MIPEP: variants seen among roughly 807,000 people sequenced by gnomAD.
MIPEP encodes mitochondrial intermediate peptidase.
Under a neutral mutation model 90.3 loss-of-function variants are expected in MIPEP, and 79 were observed. The ratio of observed to expected loss-of-function variants is 0.87; its 90% CI spans 0.73 to 1.05. The LOEUF is 1.05. Among genes scored for constraint, MIPEP ranks in the 50% least tolerant of loss-of-function variants. The probability of loss-of-function intolerance (pLI) is 0.00; values close to 1 mark genes in which losing one functional copy is unlikely to be tolerated. For synonymous variants in MIPEP, 334 were observed against 315.8 expected, an observed-to-expected ratio of 1.06 and a Z score of -0.61; for missense variants, 940 against 905.6, an observed-to-expected ratio of 1.04 and a Z score of -0.49.
chr13:23,781,880 G>C (rs1328028556), intron 16 of MIPEP, among the ~76,000 whole-genome samples: 2 of 152,090 alleles, frequency 1.3e-5, no homozygotes, highest in Non-Finnish European at 2.9e-5. Context: ...AATGGTAAAG[G>C]GATCAATTCA....
rs1871271584 is a variant in MIPEP, at chr13:23,881,627, C to T, written c.452+72G>A. ...GGGACAAGCGCTATGGACAAAACTG[C>T]CTACGGCACAAGTCCATGAAACCGG... is the stretch of plus-strand genomic sequence containing the variant. On this transcript the variant is annotated intron_variant, in intron 3 of 18. Transcript: ENST00000382172. 4 of 1,318,230 alleles carry T rather than the reference C, an allele frequency of 3.0e-6. No individual in the cohort carries two copies. The South Asian group carries it at 4.8e-5, about 16-fold the overall frequency. 81.7% of individuals were successfully genotyped at this position (1,318,230 alleles called of 1,614,324 possible).
rs868740355 is a variant in MIPEP, at chr13:23,889,382, G to A, written c.-62C>T. On this transcript the variant is annotated 5_prime_UTR_variant, in exon 1 of 19. Transcript: ENST00000382172. ...CCCTGCCCTGCTGCTTTCGCTGGGA[G>A]CGCGCGCTCCGCGTTTCCAAGGCAG... is the stretch of plus-strand genomic sequence containing the variant. 28 of 1,229,142 alleles carry A rather than the reference G, an allele frequency of 2.3e-5. No individual in the cohort carries two copies. In the African/African-American group the frequency reaches 3.3e-4, roughly 14 times the overall value. The allele number at this position is 1,229,142 out of a possible 1,614,324, so 76.1% of individuals were successfully genotyped here.
chr13:23,888,899 C>A (rs1461788673), intron 1 of MIPEP: 1 of 545,244 alleles, frequency 1.8e-6, no homozygotes, highest in East Asian at 3.5e-5. Flanking sequence ...GGGGCTCATG[C>A]AGAAGCAGTT....
At chr13:23,863,586 A>G (rs1870403969) in intron 8 of MIPEP, among the ~76,000 whole-genome samples, 1 of 152,230 alleles carries the variant, frequency 6.6e-6, no homozygotes, top group Non-Finnish European at 1.5e-5. Context: ...ATGTATATGC[A>G]AATATTCCAA....
At chr13:23,851,342 G>C (rs1224896200) in intron 10 of MIPEP, among the ~76,000 whole-genome samples, 1 of 152,190 alleles carries the variant, frequency 6.6e-6, no homozygotes, top group East Asian at 1.9e-4. Flanking sequence ...GAAACACAAT[G>C]AATCAATGGA....
chr13:23,808,754 T>TA (rs1953140028), intron 15 of MIPEP, among the ~76,000 whole-genome samples: 1 of 152,216 alleles, frequency 6.6e-6, no homozygotes, highest in South Asian at 2.1e-4. Flanking sequence ...TTGATATGAA[T>TA]AGATACTGAG....
At chr13:23,813,351 C>G (rs1953195404) in intron 14 of MIPEP, among the ~76,000 whole-genome samples, 1 of 152,062 alleles carries the variant, frequency 6.6e-6, no homozygotes, top group Non-Finnish European at 1.5e-5. Flanking sequence ...CCTAAGGATA[C>G]CAAGATCTGT....
intron 14 of MIPEP, among the ~76,000 whole-genome samples, chr13:23,824,082 A>C (rs975405995): frequency 2.6e-5 from 4 of 152,340 alleles, no homozygotes; most frequent in South Asian, 2.1e-4. Context: ...CTAGCACAGC[A>C]TTTTGGAATG....
chr13:23,862,802 T>C (rs1870363767), intron 8 of MIPEP, among the ~76,000 whole-genome samples: 1 of 152,332 alleles, frequency 6.6e-6, no homozygotes, highest in East Asian at 1.9e-4. Context: ...AATAATTAAA[T>C]AGGTATTTAA....
At chr13:23,750,231 C>T (rs958197515) in intron 18 of MIPEP, among the ~76,000 whole-genome samples, 2 of 152,096 alleles carry the variant, frequency 1.3e-5, no homozygotes, top group African/African-American at 4.8e-5. Flanking sequence ...ACTCACAAAC[C>T]AGTATTGACA....
chr13:23,832,561 C>CAG (rs1172323117), intron 14 of MIPEP, among the ~76,000 whole-genome samples: 1 of 151,884 alleles, frequency 6.6e-6, no homozygotes, highest in Non-Finnish European at 1.5e-5. Context: ...AGAATGAGGC[C>CAG]ACCTATATAT....
intron 16 of MIPEP, among the ~76,000 whole-genome samples, chr13:23,796,340 C>T (rs1274502159): frequency 2.0e-5 from 3 of 152,000 alleles, no homozygotes; most frequent in Admixed American, 6.6e-5. Flanking sequence ...TTGCTTGAAC[C>T]GGGGAGGCAG....
chr13:23,827,670 T>C (rs7325423), intron 14 of MIPEP, among the ~76,000 whole-genome samples: 54,253 of 152,024 alleles, frequency 0.36, 10,369 homozygotes, highest in African/African-American at 0.5. Flanking sequence ...ATCAAGAATA[T>C]AAAAATATTA....
chr13:23,807,236 CAT>C (rs762815606), intron 15 of MIPEP, among the ~76,000 whole-genome samples: 16 of 152,282 alleles, frequency 1.1e-4, no homozygotes, highest in Middle Eastern at 3.4e-3. Context: ...CTAAAATAAA[CAT>C]AAAGCATTTT....
At chr13:23,737,557 A>C (rs1952279282) in intron 18 of MIPEP, among the ~76,000 whole-genome samples, 1 of 152,186 alleles carries the variant, frequency 6.6e-6, no homozygotes, top group Admixed American at 6.5e-5. Context: ...ATGAGTTCAA[A>C]TATATATGTG....
At chr13:23,752,483 T>C (rs1952452006) in intron 18 of MIPEP, among the ~76,000 whole-genome samples, 1 of 152,212 alleles carries the variant, frequency 6.6e-6, no homozygotes, top group Admixed American at 6.5e-5. Context: ...AACTGAACCT[T>C]AGATCATGCT....
intron 18 of MIPEP, among the ~76,000 whole-genome samples, chr13:23,742,267 T>C (rs941441121): frequency 6.6e-6 from 1 of 152,244 alleles, no homozygotes; most frequent in Non-Finnish European, 1.5e-5. Flanking sequence ...ATTTTCTAAA[T>C]AAAACTTTAG....
chr13:23,809,812 T>C (rs747297615), intron 15 of MIPEP, 38 bp downstream of exon 15: 39 of 1,302,254 alleles, frequency 3.0e-5, no homozygotes, highest in Middle Eastern at 1.8e-4. Context: ...TTTGGGATAA[T>C]GACTCCGGAA....
At chr13:23,815,346 C>T (rs1418603846) in intron 14 of MIPEP, among the ~76,000 whole-genome samples, 3 of 150,096 alleles carry the variant, frequency 2.0e-5, no homozygotes, top group Admixed American at 1.3e-4. Context: ...GTCAGAGTCT[C>T]GCTGTGTAGC....
Sources: allele counts gnomAD v4.1 joint callset (sites outside exome capture counted in the v4.1 genomes callset), GRCh38; gene constraint gnomAD v4.1.1; transcripts MANE v1.5; gene names NCBI Gene and HGNC (gene_info 2026-07-23, HGNC 2026-07-21).